PGR: variants seen among roughly 807,000 people sequenced by gnomAD.
PGR encodes nuclear receptor subfamily 3 group C member 3.
Under a neutral mutation model 76.1 loss-of-function variants are expected in PGR, and 25 were observed. That is an observed-to-expected ratio of 0.33 (90% CI 0.24 to 0.46). The LOEUF (loss-of-function observed/expected upper bound fraction) is 0.46, where lower values mean the gene tolerates loss of function less well. PGR is among the 20% of genes least tolerant of loss of function. The pLI is 1.00. For missense variants in PGR, 1,172 were observed against 1,225.3 expected (o/e 0.96, Z 0.65); for synonymous variants, 579 against 535.0 (o/e 1.08, Z -1.14).
chr11:101,059,821 C>T (rs34267066), intron 4 of PGR, among the ~76,000 whole-genome samples: 113 of 96,260 alleles, frequency 1.2e-3, no homozygotes, highest in Non-Finnish European at 1.9e-3. Flanking sequence ...CCAGCCTGGG[C>T]AATAGAGTGA....
Position 101,038,856 on chromosome 11 carries a change from T to A in PGR, c.*260A>T, listed in dbSNP as rs1479937589. 1 of 395,086 alleles carries A rather than the reference T, an allele frequency of 2.5e-6. No homozygotes were observed. The highest frequency in any genetic ancestry group is 2.0e-5 in the African/African-American group (1 of 49,216). 24.5% of individuals were successfully genotyped at this position (395,086 alleles called of 1,614,324 possible). On this transcript the variant is annotated 3_prime_UTR_variant, in exon 8 of 8. Transcript: ENST00000325455. ...ATGAAATAATATGGATAAGATAGTTTACTTTAACAATTTTAGTACTTTTTC... is the reference window on the plus strand; with the variant it reads ...ATGAAATAATATGGATAAGATAGTTAACTTTAACAATTTTAGTACTTTTTC...
intron 3 of PGR, among the ~76,000 whole-genome samples, chr11:101,071,410 G>A (rs1368590095): frequency 2.0e-5 from 3 of 151,982 alleles, no homozygotes; most frequent in Non-Finnish European, 4.4e-5. Context: ...AAATCAGAAT[G>A]CCTCTTCTCC....
intron 2 of PGR, among the ~76,000 whole-genome samples, chr11:101,124,883 T>C (rs905408728): frequency 6.6e-6 from 1 of 152,168 alleles, no homozygotes; most frequent in East Asian, 1.9e-4. Context: ...AATACATTCA[T>C]CTTTTGTGAG....
intron 3 of PGR, among the ~76,000 whole-genome samples, chr11:101,080,984 C>CA (rs1316450367): frequency 3.3e-5 from 5 of 151,622 alleles, no homozygotes; most frequent in Admixed American, 6.6e-5. Context: ...TTATATAAAG[C>CA]AAAAAAACCC....
rs775749546 is a variant in PGR at position 101,127,813 on chromosome 11, C to G, written c.1258G>C (p.Gly420Arg). Residue 420 changes from glycine (G) to arginine (R), a missense_variant, in exon 1 of 8, where the codon GGG becomes CGG. By Grantham distance (125) the Gly-to-Arg change is moderately radical. Around this residue, in one of 4 missense-constraint regions of PGR, gnomAD observed 893 missense variants for 785.9 expected, o/e 1.14. Coordinates refer to ENST00000325455, the MANE Select transcript of PGR (RefSeq NM_000926.4). Reference protein sequence around the residue: ...NPAAFPDFPLGPPPPLPPRAT... With the variant: ...NPAAFPDFPLRPPPPLPPRAT... ...CGCGGCGGCAGCGGGGGCGGTGGCCCCAACGGGAAATCCGGGAAGGCTGCG... is the reference window on the plus strand; with the variant it reads ...CGCGGCGGCAGCGGGGGCGGTGGCCGCAACGGGAAATCCGGGAAGGCTGCG... 1.9e-6 allele frequency: 3 copies of G among 1,572,306 alleles called. No individual in the cohort carries two copies. The highest frequency in any genetic ancestry group is 3.7e-5 in the Admixed American group (2 of 54,600).
chr11:101,050,023 G>A lies in PGR; in HGVS notation c.2394C>T (p.Cys798=). 4 of 1,612,492 alleles carry A rather than the reference G, an allele frequency of 2.5e-6. No individual in the cohort carries two copies. Among genetic ancestry groups the A allele is most frequent in the Non-Finnish European group, 3.4e-6 (4 of 1,179,052 alleles). The stretch of plus-strand genomic sequence containing the variant: ...CCTGTGGGATCTGCCACATGGTAAG[G>A]CATAATGAATAGAATGATGATTCTT... ...RMKESSFYSL[C]LTMWQIPQEF... The change falls in exon 6 of 8, where the codon TGC becomes TGT. Residue 798 remains cysteine (C), a synonymous_variant. Coordinates refer to ENST00000325455, the MANE Select transcript of PGR (RefSeq NM_000926.4).
intron 2 of PGR, among the ~76,000 whole-genome samples, chr11:101,098,468 C>T (rs1195475392): frequency 2.6e-5 from 4 of 152,066 alleles, no homozygotes; most frequent in Admixed American, 6.5e-5. Context: ...CCACAAGTCA[C>T]GGGCTTGAAG....
chr11:101,041,263 G>A (rs759270457), intron 7 of PGR, among the ~76,000 whole-genome samples: 5 of 151,988 alleles, frequency 3.3e-5, no homozygotes, highest in African/African-American at 1.2e-4. Context: ...AGTTGACCTG[G>A]AGAGTGGATA....
chr11:101,036,956 A>ATTGT lies in PGR; in HGVS notation c.*2156_*2159dup, dbSNP rs528867949. The ATTGT allele has an allele frequency of 3.2e-4, 64 of 202,012 alleles. 1 individual carries two copies. The South Asian group carries it at 0.012, about 37-fold the overall frequency. 12.5% of individuals were successfully genotyped at this position (202,012 alleles called of 1,614,324 possible). On this transcript the variant is annotated 3_prime_UTR_variant, in exon 8 of 8. Coordinates refer to ENST00000325455, the MANE Select transcript of PGR (RefSeq NM_000926.4). ...CACTTAAGCATAAAGGGCTAATAAT[A>ATTGT]TTGTTTTTGTTTCTTGGGGTTTTTT...
rs559445648 is a variant in PGR, at chr11:101,038,063, G to T, written c.*1053C>A. ...ATGCATGGAATTTGTGTCAAAGGGGGAAAATTCTGGAAGAAATTTCATGGT... is the reference window on the plus strand; with the variant it reads ...ATGCATGGAATTTGTGTCAAAGGGGTAAAATTCTGGAAGAAATTTCATGGT... On this transcript the variant is annotated 3_prime_UTR_variant, in exon 8 of 8. Coordinates refer to ENST00000325455, the MANE Select transcript of PGR (RefSeq NM_000926.4). The T allele has an allele frequency of 9.9e-6, 2 of 202,486 alleles. No individual in the cohort carries two copies. The highest frequency in any genetic ancestry group is 1.5e-4 in the East Asian group (2 of 13,254). 12.5% of individuals were successfully genotyped at this position (202,486 alleles called of 1,614,324 possible). A position where few individuals can be genotyped will look rare whatever the true frequency, so the allele number is the denominator to read the frequency against.
At chr11:101,065,099 C>G (rs1376178014) in intron 3 of PGR, among the ~76,000 whole-genome samples, 1 of 152,188 alleles carries the variant, frequency 6.6e-6, no homozygotes, top group Non-Finnish European at 1.5e-5. Context: ...TATCCCTACT[C>G]TTAAATGACG....
chr11:101,124,991 T>G (rs548593312), intron 2 of PGR, among the ~76,000 whole-genome samples: 2 of 152,040 alleles, frequency 1.3e-5, no homozygotes, highest in African/African-American at 2.4e-5. Context: ...CCTGCTTTTC[T>G]GCTTGTAAGG....
Position 101,062,771 on chromosome 11 carries a change from A to T in PGR, c.1907-19T>A. The T allele has an allele frequency of 6.4e-7, 1 of 1,569,522 alleles. No homozygotes were observed. The highest frequency in any genetic ancestry group is 8.7e-7 in the Non-Finnish European group (1 of 1,147,384). ...TTTCGACCTACAGAGAAGAAAAAAA[A>T]GAAATTCATGTAAATATATATAAAC... On this transcript the variant is annotated intron_variant, in intron 3 of 7. Transcript: ENST00000325455.
intron 6 of PGR, among the ~76,000 whole-genome samples, chr11:101,044,895 T>C (rs559587167): frequency 1.3e-5 from 2 of 151,974 alleles, no homozygotes; most frequent in South Asian, 4.1e-4. Context: ...TTGGTAGAGA[T>C]GGGGTTTCAC....
chr11:101,110,424 A>T (rs954341777), intron 2 of PGR, among the ~76,000 whole-genome samples: 1 of 152,220 alleles, frequency 6.6e-6, no homozygotes, highest in Non-Finnish European at 1.5e-5. Context: ...TCAAGACTTC[A>T]TGGAGGAAGT....
chr11:101,052,476 C>G (rs11571230), intron 4 of PGR, among the ~76,000 whole-genome samples: 4,302 of 152,134 alleles, frequency 0.028, 195 homozygotes, highest in African/African-American at 0.099. Flanking sequence ...GGAAGATCAC[C>G]AGTTCAACAA....
intron 3 of PGR, among the ~76,000 whole-genome samples, chr11:101,083,321 G>T (rs1164633404): frequency 6.6e-6 from 1 of 152,258 alleles, no homozygotes; most frequent in Non-Finnish European, 1.5e-5. Flanking sequence ...TTCAAGCGCA[G>T]AGACCTCATG....
intron 2 of PGR, among the ~76,000 whole-genome samples, chr11:101,112,383 C>G (rs192903608): frequency 8.5e-5 from 13 of 152,082 alleles, no homozygotes; most frequent in African/African-American, 3.1e-4. Context: ...ATTGGTAGAG[C>G]CTGTCCTTGA....
chr11:101,062,882 A>AAAG (rs1157475059), intron 3 of PGR, 130 bp from the exon 4 acceptor site: 1 of 484,512 alleles, frequency 2.1e-6, no homozygotes, highest in Non-Finnish European at 3.5e-6. Context: ...AAATAGAATA[A>AAAG]AAGTGTTAGA....
Sources: gnomAD v4.1 joint callset for allele counts (sites outside exome capture counted in the v4.1 genomes callset) on GRCh38, gnomAD v4.1.1 for gene constraint, gnomAD v4.1.1 regional missense constraint, MANE v1.5 for transcripts, NCBI Gene and HGNC (gene_info 2026-07-23, HGNC 2026-07-21) for gene names.